The following COMMD10 variants were observed in gnomAD, a reference collection of about 807,000 sequenced individuals.
The protein encoded by COMMD10 is COMM domain-containing protein 10.
In COMMD10, 33 loss-of-function variants were observed where a neutral mutation model predicts 28.9. The ratio of observed to expected loss-of-function variants is 1.14; its 90% CI spans 0.87 to 1.53. The LOEUF is 1.53. Ranked by LOEUF, COMMD10 falls within the 40% of genes most tolerant of loss-of-function variation. The pLI is 0.00. For synonymous variants in COMMD10, 110 were observed against 81.7 expected (o/e 1.35, Z -1.87); for missense variants, 310 against 233.4 (o/e 1.33, Z -2.14).
chr5:116,229,887 T>A (rs1425700789), intron 5 of COMMD10, among the ~76,000 whole-genome samples: 3 of 152,028 alleles, frequency 2.0e-5, no homozygotes, highest in Non-Finnish European at 2.9e-5. Context: ...TTATTTAAAA[T>A]ATCCTTTATT....
intron 4 of COMMD10, 107 bp from the exon 5 acceptor site, chr5:116,133,961 A>C (rs1013610562): frequency 1.5e-6 from 1 of 650,852 alleles, no homozygotes; most frequent in African/African-American, 1.8e-5. Flanking sequence ...ACTTTCTGTG[A>C]AGCCTAGGCT....
At chr5:116,235,238 T>A (rs1387856683) in intron 5 of COMMD10, among the ~76,000 whole-genome samples, 1 of 152,204 alleles carries the variant, frequency 6.6e-6, no homozygotes, top group Non-Finnish European at 1.5e-5. Flanking sequence ...AACAGATTGA[T>A]AATGAATACT....
chr5:116,193,548 C>CT (rs1314360652), intron 5 of COMMD10, among the ~76,000 whole-genome samples: 1 of 152,134 alleles, frequency 6.6e-6, no homozygotes, highest in African/African-American at 2.4e-5. Context: ...ACAAAACAAA[C>CT]TTTAAAGCAA....
chr5:116,150,209 G>C (rs1580491947), intron 5 of COMMD10, among the ~76,000 whole-genome samples: 1 of 152,102 alleles, frequency 6.6e-6, no homozygotes, highest in Admixed American at 6.6e-5. Context: ...CTGTTCCATT[G>C]ATCTATATCT....
chr5:116,152,906 A>G (rs928245219), intron 5 of COMMD10, among the ~76,000 whole-genome samples: 2 of 152,150 alleles, frequency 1.3e-5, no homozygotes, highest in African/African-American at 4.8e-5. Context: ...TGCTATAAAC[A>G]GATGAGTACA....
chr5:116,285,615 T>G (rs1751199018), intron 5 of COMMD10, among the ~76,000 whole-genome samples: 1 of 152,028 alleles, frequency 6.6e-6, no homozygotes, highest in Non-Finnish European at 1.5e-5. Context: ...GATGATTATG[T>G]GTCTTTCCAC....
At chr5:116,118,045 C>T (rs1420998721) in intron 4 of COMMD10, among the ~76,000 whole-genome samples, 1 of 152,152 alleles carries the variant, frequency 6.6e-6, no homozygotes, top group African/African-American at 2.4e-5. Context: ...CAGCCCACAA[C>T]CTACATTGTT....
At chr5:116,189,879 T>C (rs899057572) in intron 5 of COMMD10, among the ~76,000 whole-genome samples, 1 of 152,190 alleles carries the variant, frequency 6.6e-6, no homozygotes, top group African/African-American at 2.4e-5. Context: ...ATATTATCTT[T>C]ATTATGAAAG....
At chr5:116,109,726 T>G (rs1178446799) in intron 4 of COMMD10, among the ~76,000 whole-genome samples, 5 of 152,240 alleles carry the variant, frequency 3.3e-5, no homozygotes, top group South Asian at 4.1e-4. Context: ...TTCATGTTGA[T>G]TTTGTGTTGT....
chr5:116,149,938 A>G (rs902375954), intron 5 of COMMD10, among the ~76,000 whole-genome samples: 13 of 152,054 alleles, frequency 8.5e-5, no homozygotes, highest in African/African-American at 2.7e-4. Context: ...GCCCATGCCT[A>G]TGTCCTGAAT....
At chr5:116,087,901 A>G (rs1010020100) in intron 2 of COMMD10, among the ~76,000 whole-genome samples, 1 of 152,198 alleles carries the variant, frequency 6.6e-6, no homozygotes, top group Non-Finnish European at 1.5e-5. Context: ...ATTATGGTAT[A>G]TATTTTGGGA....
chr5:116,092,722 A>G (rs768504981), intron 4 of COMMD10, 22 bp downstream of exon 4: 2 of 1,485,990 alleles, frequency 1.3e-6, no homozygotes, highest in African/African-American at 1.4e-5. Context: ...ACTGTCTTAA[A>G]TATGTTTTTC....
At chr5:116,091,949 ATACAT>A (rs1355075940) in intron 3 of COMMD10, among the ~76,000 whole-genome samples, 1 of 152,228 alleles carries the variant, frequency 6.6e-6, no homozygotes, top group Non-Finnish European at 1.5e-5. Context: ...ACAGCCTTAC[ATACAT>A]TATAGATCAC....
intron 5 of COMMD10, among the ~76,000 whole-genome samples, chr5:116,167,336 G>A (rs1260305699): frequency 2.0e-5 from 3 of 152,058 alleles, no homozygotes; most frequent in African/African-American, 7.2e-5. Flanking sequence ...CAGGAAATAT[G>A]GGACTATGTG....
At chr5:116,211,026 G>A (rs1388846889) in intron 5 of COMMD10, among the ~76,000 whole-genome samples, 2 of 151,782 alleles carry the variant, frequency 1.3e-5, no homozygotes, top group Non-Finnish European at 2.9e-5. Context: ...TTAATGCTTG[G>A]TATATTTTGT....
intron 5 of COMMD10, among the ~76,000 whole-genome samples, chr5:116,236,099 A>G (rs1749653111): frequency 6.6e-6 from 1 of 152,156 alleles, no homozygotes; most frequent in African/African-American, 2.4e-5. Flanking sequence ...CAGAAGAAGT[A>G]GAGCAGAGGA....
intron 5 of COMMD10, among the ~76,000 whole-genome samples, chr5:116,161,249 G>A (rs753716200): frequency 1.3e-5 from 2 of 151,978 alleles, no homozygotes; most frequent in Non-Finnish European, 2.9e-5. Flanking sequence ...TCTTATCTTC[G>A]TCATCTTTAA....
Position 116,292,960 on chromosome 5 carries a change from A to T in COMMD10, c.*471A>T, listed in dbSNP as rs112702632. The stretch of plus-strand genomic sequence containing the variant: ...ACTATGGCATTTTTATTTGAATATG[A>T]TGAGTATATTTTGCTTCGGAAATAA... On this transcript the variant is annotated 3_prime_UTR_variant, in exon 7 of 7. Coordinates refer to ENST00000274458, the MANE Select transcript of COMMD10 (RefSeq NM_016144.4). The T allele has an allele frequency of 3.6e-3, 1,436 of 397,074 alleles. 21 individuals are homozygous for T. Among genetic ancestry groups the T allele is most frequent in the African/African-American group, 0.027 (1,300 of 48,672 alleles). The allele number at this position is 397,074 out of a possible 1,614,324, so 24.6% of individuals were successfully genotyped here. A position where few individuals can be genotyped will look rare whatever the true frequency, so the allele number is the denominator to read the frequency against.
At chr5:116,156,909 A>T (rs1284787246) in intron 5 of COMMD10, among the ~76,000 whole-genome samples, 1 of 151,978 alleles carries the variant, frequency 6.6e-6, no homozygotes, top group Non-Finnish European at 1.5e-5. Context: ...CTTGTAACTG[A>T]TCAGTTGTTT....
Sources: allele counts gnomAD v4.1 joint callset (sites outside exome capture counted in the v4.1 genomes callset), GRCh38; gene constraint gnomAD v4.1.1; transcripts MANE v1.5; gene names NCBI Gene and HGNC (gene_info 2026-07-23, HGNC 2026-07-21).